The following CKAP5 variants were observed in gnomAD, a reference collection of about 807,000 sequenced individuals.
CKAP5 encodes the protein cytoskeleton associated protein 5, also known as cytoskeleton-associated protein 5.
CKAP5 carries 27 observed loss-of-function variants against 232.8 expected under a neutral mutation model. That is an observed-to-expected ratio of 0.12 (90% CI 0.09 to 0.16). The LOEUF is 0.16. Ranked by LOEUF, CKAP5 falls within the 10% of genes least tolerant of loss-of-function variation. CKAP5 has a pLI of 1.00. For synonymous variants in CKAP5, 785 were observed against 841.1 expected (o/e 0.93, Z 1.16); for missense variants, 1,838 against 2,424.7 (o/e 0.76, Z 5.08).
Position 46,770,763 on chromosome 11 carries a change from CAGTAGCAGCAACAAGA to C in CKAP5, c.3186+9_3186+24del. On this transcript the variant is annotated intron_variant, in intron 25 of 43. Transcript: ENST00000529230. ...TATATTTTTTAATAGCTTTTAACAG[CAGTAGCAGCAACAAGA>C]AGTAGTACCTTTAGTTTCCCAGTAG... is the stretch of plus-strand genomic sequence containing the variant. The C allele has an allele frequency of 1.2e-6, 2 of 1,601,472 alleles. No homozygotes were observed. The highest frequency in any genetic ancestry group is 1.7e-6 in the Non-Finnish European group (2 of 1,170,616).
chr11:46,788,747 T>C lies in CKAP5; in HGVS notation c.1902A>G (p.Glu634=). The change falls in exon 16 of 44, where the codon GAA becomes GAG. Residue 634 remains glutamate (E), a synonymous_variant. Transcript: ENST00000529230. ...TCCTCACTAATGCCTGGCATGGCATTTCAGTTCGGTCCATTAGCTCAACAG... is the reference window on the plus strand; with the variant it reads ...TCCTCACTAATGCCTGGCATGGCATCTCAGTTCGGTCCATTAGCTCAACAG... ...QKAVELMDRT[E]MPCQALVRML... The C allele has an allele frequency of 1.9e-6, 3 of 1,608,942 alleles. No individual in the cohort carries two copies. Among genetic ancestry groups the C allele is most frequent in the African/African-American group, 1.3e-5 (1 of 74,658 alleles).
chr11:46,793,283 C>T (rs1348646161), intron 13 of CKAP5, among the ~76,000 whole-genome samples: 2 of 152,208 alleles, frequency 1.3e-5, no homozygotes, highest in Non-Finnish European at 2.9e-5. Context: ...TAAAATGATG[C>T]TCACTAAATA....
intron 1 of CKAP5, among the ~76,000 whole-genome samples, chr11:46,844,949 C>T (rs1394290781): frequency 7.2e-5 from 11 of 152,196 alleles, no homozygotes; most frequent in Admixed American, 7.2e-4. Flanking sequence ...CCACCGCGCC[C>T]AGCCTAAAAT....
At chr11:46,815,175 C>T (rs144983310) in intron 4 of CKAP5, among the ~76,000 whole-genome samples, 1 of 152,150 alleles carries the variant, frequency 6.6e-6, no homozygotes, top group African/African-American at 2.4e-5. Context: ...CTCAGCCTTC[C>T]GAGTAGCTGG....
intron 1 of CKAP5, among the ~76,000 whole-genome samples, chr11:46,823,350 C>T (rs1939586530): frequency 1.3e-5 from 2 of 152,064 alleles, no homozygotes; most frequent in African/African-American, 4.8e-5. Context: ...TACAATTTTA[C>T]CACCACCTAA....
chr11:46,809,217 G>A (rs767094431), intron 7 of CKAP5, among the ~76,000 whole-genome samples, 183 bp downstream of exon 7: 67 of 152,248 alleles, frequency 4.4e-4, no homozygotes, highest in Non-Finnish European at 8.5e-4. Context: ...TTAAAAAAGT[G>A]CTATAATATA....
chr11:46,828,036 C>T (rs1040643610), intron 1 of CKAP5, among the ~76,000 whole-genome samples: 8 of 152,120 alleles, frequency 5.3e-5, no homozygotes, highest in African/African-American at 1.9e-4. Context: ...AAGCCTTGGG[C>T]CATCATCAGA....
intron 28 of CKAP5, 106 bp downstream of exon 28, chr11:46,765,025 C>A: frequency 9.8e-7 from 1 of 1,021,580 alleles, no homozygotes; most frequent in Admixed American, 2.7e-5. Flanking sequence ...GCAAAAGAAA[C>A]ACTTAATTCC....
In CKAP5 at chr11:46,759,382, C is replaced by A; in HGVS notation, c.4455G>T (p.Gln1485His). ...EAAQMVRREFQLDLDEIENDN... is the reference protein window; with the variant it reads ...EAAQMVRREFHLDLDEIENDN... ...CATTCTCAATCTCATCTAGATCCAG[C>A]TGGAATTCTCGGCGGACCATCTGGG... Residue 1485 changes from glutamine (Q) to histidine (H), a missense_variant, in exon 34 of 44, where the codon CAG (glutamine) becomes CAT (histidine). By Grantham distance (24) the Gln-to-His change is conservative. Coordinates refer to ENST00000529230, the MANE Select transcript of CKAP5 (RefSeq NM_001008938.4). 1 of 1,614,120 alleles carries A rather than the reference C, an allele frequency of 6.2e-7. No homozygotes were observed. The highest frequency in any genetic ancestry group is 8.5e-7 in the Non-Finnish European group (1 of 1,180,006).
intron 16 of CKAP5, among the ~76,000 whole-genome samples, chr11:46,787,152 T>C (rs909498444): frequency 2.0e-5 from 3 of 152,062 alleles, no homozygotes; most frequent in South Asian, 2.1e-4. Context: ...AGTGAAGCCC[T>C]TTCTCAAAAA....
intron 4 of CKAP5, among the ~76,000 whole-genome samples, chr11:46,813,406 G>A (rs2134677583): frequency 6.6e-6 from 1 of 151,740 alleles, no homozygotes; most frequent in Non-Finnish European, 1.5e-5. Flanking sequence ...GCCTCCTTCT[G>A]TAAGAAAAAA....
At position 46,754,878 on chromosome 11, in the gene CKAP5, G is replaced by A. The variant is rs750436794; in HGVS notation, c.4869+10C>T. 4 of 1,609,080 alleles carry A rather than the reference G, an allele frequency of 2.5e-6. No individual in the cohort carries two copies. The Admixed American group carries it at 5.0e-5, about 20-fold the overall frequency. On this transcript the variant is annotated intron_variant, in intron 36 of 43. Transcript: ENST00000529230. The stretch of plus-strand genomic sequence containing the variant: ...GATGGGAAGCTGAAATTCTGCAGAG[G>A]TGCCCTTACCGAAATCATGTTGCCA...
intron 27 of CKAP5, among the ~76,000 whole-genome samples, chr11:46,766,308 G>T (rs569623090): frequency 4.1e-4 from 62 of 152,248 alleles, no homozygotes; most frequent in African/African-American, 1.5e-3. Context: ...CATTAAGAAC[G>T]GAGTCAAAAA....
intron 31 of CKAP5, 159 bp from the exon 32 acceptor site, chr11:46,762,352 G>A: frequency 1.1e-6 from 1 of 912,486 alleles, no homozygotes. Flanking sequence ...GTGAAAAAAT[G>A]GTATTTCAGC....
intron 8 of CKAP5, 86 bp downstream of exon 8, chr11:46,807,945 G>T (rs1592471938): frequency 1.2e-6 from 1 of 855,764 alleles, no homozygotes; most frequent in East Asian, 2.5e-5. Context: ...AAGTGGCAAT[G>T]TATGTGTAAT....
intron 28 of CKAP5, 122 bp downstream of exon 28, chr11:46,765,009 T>C: frequency 4.4e-6 from 4 of 899,472 alleles, no homozygotes; most frequent in Non-Finnish European, 6.5e-6. Flanking sequence ...ATAATATAAT[T>C]TATAAGCAAA....
At position 46,816,187 on chromosome 11, in the gene CKAP5, CAA is replaced by C. The variant is rs768090704; in HGVS notation, c.458+9_458+10del. ...GCTGCTCTAGTTAACAAAGCTAAAA[CAA>C]AGTCTTACCTTAAGGCTTTCCTCAG... On this transcript the variant is annotated intron_variant, in intron 4 of 43. Transcript: ENST00000529230. 6.2e-7 allele frequency: 1 copy of C among 1,609,314 alleles called. No individual in the cohort carries two copies. Among genetic ancestry groups the C allele is most frequent in the South Asian group, 1.1e-5 (1 of 90,712 alleles).
chr11:46,797,789 CAA>C lies in CKAP5; in HGVS notation c.1338+14_1338+15del. On this transcript the variant is annotated intron_variant, in intron 11 of 43. Coordinates refer to ENST00000529230, the MANE Select transcript of CKAP5 (RefSeq NM_001008938.4). ...TAGGTATAAAATATTCCCCCAACTT[CAA>C]AGAGAGTCTGTACCTTAAGTAGTGC... The C allele has an allele frequency of 1.3e-6, 2 of 1,585,204 alleles. No individual in the cohort carries two copies. Among genetic ancestry groups the C allele is most frequent in the Non-Finnish European group, 8.5e-7 (1 of 1,171,560 alleles).
Position 46,809,886 on chromosome 11 carries a change from A to ATT in CKAP5, c.631-13_631-12insAA. 6.3e-7 allele frequency: 1 copy of ATT among 1,597,330 alleles called. No individual in the cohort carries two copies. On this transcript the variant is annotated splice_polypyrimidine_tract_variant and intron_variant, in intron 5 of 43. Transcript: ENST00000529230. ...TCTAGTTCTTTCAACTGCAAATGTCATATAATATTTAAATAATATCTGCAT... is the reference window on the plus strand; with the variant it reads ...TCTAGTTCTTTCAACTGCAAATGTCATTTATAATATTTAAATAATATCTGCAT...
Sources: allele counts gnomAD v4.1 joint callset (sites outside exome capture counted in the v4.1 genomes callset), GRCh38; gene constraint gnomAD v4.1.1; transcripts MANE v1.5; gene names NCBI Gene and HGNC (gene_info 2026-07-23, HGNC 2026-07-21).